Variants in ATP8A2 observed in about 807,000 individuals in gnomAD.
The protein encoded by ATP8A2 is ATPase phospholipid transporting 8A2, also known as phospholipid-transporting ATPase IB.
A neutral mutation model predicts 165.6 loss-of-function variants in ATP8A2; 100 were observed. The ratio of observed to expected loss-of-function variants is 0.60; its 90% CI spans 0.51 to 0.71. ATP8A2 has a LOEUF of 0.71. Ranked by LOEUF, ATP8A2 falls within the 30% of genes least tolerant of loss-of-function variation. The probability of loss-of-function intolerance (pLI) is 0.00; values close to 1 mark genes in which losing one functional copy is unlikely to be tolerated. For missense variants in ATP8A2, 1,227 were observed against 1,479.5 expected (o/e 0.83, Z 2.80); for synonymous variants, 543 against 548.8 (o/e 0.99, Z 0.15).
rs537581302 is a variant in ATP8A2, at chr13:25,992,687, TG to T, written c.3378-19843del. 5.0e-3 allele frequency among the ~76,000 whole-genome samples: 751 copies of T among 150,418 alleles called. 9 individuals are homozygous for T. The highest frequency in any genetic ancestry group is 0.01 in the Middle Eastern group (3 of 290). On this transcript the variant is annotated intron_variant, in intron 35 of 36. Transcript: ENST00000381655. The stretch of plus-strand genomic sequence containing the variant: ...CCTAAAAGTTGTATAGTTTTTTTTT[TG>T]TTTGTTTTTTTAATTATACTTTAAG...
intron 35 of ATP8A2, among the ~76,000 whole-genome samples, chr13:25,977,060 G>A (rs1241474542): frequency 5.6e-5 from 3 of 53,976 alleles, no homozygotes; most frequent in East Asian, 2.3e-3. Context: ...CCCTGCCCTC[G>A]GCCTCCTAAA....
At chr13:25,884,559 C>T (rs879824338) in intron 33 of ATP8A2, among the ~76,000 whole-genome samples, 8 of 152,156 alleles carry the variant, frequency 5.3e-5, no homozygotes, top group Non-Finnish European at 7.3e-5. Flanking sequence ...CACTTCCCAG[C>T]AGCTTCCTTG....
chr13:25,418,335 A>G (rs1323457405), intron 1 of ATP8A2, among the ~76,000 whole-genome samples: 2 of 152,176 alleles, frequency 1.3e-5, no homozygotes, highest in African/African-American at 4.8e-5. Flanking sequence ...CTATGGATAA[A>G]TGGCAGTACC....
At chr13:25,451,852 G>GTTTTTTTTT (rs67427237) in intron 1 of ATP8A2, among the ~76,000 whole-genome samples, 1 of 146,798 alleles carries the variant, frequency 6.8e-6, no homozygotes. Context: ...TACCTTCATG[G>GTTTTTTTTT]TTTTTTTTTT....
chr13:26,013,650 G>A (rs8002452), intron 36 of ATP8A2, among the ~76,000 whole-genome samples: 3,643 of 148,812 alleles, frequency 0.024, 140 homozygotes, highest in African/African-American at 0.079. Context: ...CTCCAGCCTG[G>A]GCAACAAGAG....
chr13:25,997,838 A>G (rs750149596), intron 35 of ATP8A2, among the ~76,000 whole-genome samples: 17 of 151,872 alleles, frequency 1.1e-4, no homozygotes, highest in South Asian at 2.1e-4. Flanking sequence ...AAGTGTGTTC[A>G]TAATTACTTA....
intron 33 of ATP8A2, among the ~76,000 whole-genome samples, chr13:25,926,404 A>G (rs906607116): frequency 2.6e-5 from 4 of 152,104 alleles, no homozygotes; most frequent in East Asian, 1.9e-4. Flanking sequence ...CCTACCTACC[A>G]TCAACTCCCA....
At chr13:25,873,214 A>C (rs966225104) in intron 33 of ATP8A2, among the ~76,000 whole-genome samples, 1 of 152,216 alleles carries the variant, frequency 6.6e-6, no homozygotes, top group African/African-American at 2.4e-5. Flanking sequence ...TTTGGCTCTT[A>C]GGCAAGACTT....
chr13:25,790,725 AAC>A (rs893945518), intron 27 of ATP8A2, among the ~76,000 whole-genome samples: 1 of 151,920 alleles, frequency 6.6e-6, no homozygotes, highest in African/African-American at 2.4e-5. Context: ...AAAGAACATA[AAC>A]AGACACTTTT....
chr13:25,911,266 A>G (rs1405294392), intron 33 of ATP8A2, among the ~76,000 whole-genome samples: 1 of 152,238 alleles, frequency 6.6e-6, no homozygotes. Flanking sequence ...CCAGATTCAC[A>G]TAAGTACCTC....
intron 1 of ATP8A2, among the ~76,000 whole-genome samples, chr13:25,374,986 C>A (rs2032566337): frequency 6.6e-6 from 1 of 152,162 alleles, no homozygotes; most frequent in South Asian, 2.1e-4. Flanking sequence ...GGAATATTTT[C>A]TTGTCTGAGC....
chr13:25,813,278 T>C (rs1950923153), intron 27 of ATP8A2, among the ~76,000 whole-genome samples: 1 of 151,898 alleles, frequency 6.6e-6, no homozygotes, highest in African/African-American at 2.4e-5. Flanking sequence ...GCCAGGATGT[T>C]AGCCAGTTGG....
At chr13:25,701,834 G>GGGGA (rs2042958183) in intron 25 of ATP8A2, among the ~76,000 whole-genome samples, 2 of 151,352 alleles carry the variant, frequency 1.3e-5, no homozygotes, top group Admixed American at 1.3e-4. Context: ...TATACTTGAA[G>GGGGA]ACTTCAAAGG....
chr13:25,978,723 C>T (rs1343325867), intron 35 of ATP8A2, among the ~76,000 whole-genome samples: 1 of 152,046 alleles, frequency 6.6e-6, no homozygotes, highest in Non-Finnish European at 1.5e-5. Flanking sequence ...GGGCGGATCA[C>T]GAGGTCAGGA....
At chr13:25,799,422 A>G (rs1189720589) in intron 27 of ATP8A2, among the ~76,000 whole-genome samples, 1 of 152,250 alleles carries the variant, frequency 6.6e-6, no homozygotes, top group Non-Finnish European at 1.5e-5. Context: ...CAAAACAGCC[A>G]ATATGCCAGA....
intron 25 of ATP8A2, among the ~76,000 whole-genome samples, chr13:25,760,905 T>A (rs2044366808): frequency 6.6e-6 from 1 of 152,212 alleles, no homozygotes; most frequent in Non-Finnish European, 1.5e-5. Context: ...GTTAAATAAT[T>A]TTTGTACTTA....
At chr13:25,573,456 A>ACC (rs1566285572) in intron 18 of ATP8A2, among the ~76,000 whole-genome samples, 1 of 152,198 alleles carries the variant, frequency 6.6e-6, no homozygotes. Flanking sequence ...ACTCGTAGAT[A>ACC]ACAGTAATAA....
intron 24 of ATP8A2, among the ~76,000 whole-genome samples, chr13:25,591,819 A>G (rs991978276): frequency 6.6e-6 from 1 of 152,098 alleles, no homozygotes; most frequent in Non-Finnish European, 1.5e-5. Context: ...ACTTTTGACT[A>G]TTGTGAATAG....
intron 35 of ATP8A2, among the ~76,000 whole-genome samples, chr13:25,983,347 T>G (rs1956209252): frequency 6.6e-6 from 1 of 152,196 alleles, no homozygotes; most frequent in Admixed American, 6.5e-5. Flanking sequence ...AGTCTGTAAT[T>G]TGTTCTCCCA....
Sources: gnomAD v4.1 joint callset for allele counts (sites outside exome capture counted in the v4.1 genomes callset) on GRCh38, gnomAD v4.1.1 for gene constraint, MANE v1.5 for transcripts, NCBI Gene and HGNC (gene_info 2026-07-23, HGNC 2026-07-21) for gene names.